Variants in CPAMD8 observed in about 807,000 individuals in gnomAD.
CPAMD8 encodes C3 and PZP-like alpha-2-macroglobulin domain-containing protein 8.
In CPAMD8, 146 loss-of-function variants were observed where a neutral mutation model predicts 224.7. The observed-to-expected ratio is 0.65, with a 90% CI of 0.57 to 0.75. The LOEUF (loss-of-function observed/expected upper bound fraction) is 0.75, where lower values mean the gene tolerates loss of function less well. Among genes scored for constraint, CPAMD8 ranks in the 30% least tolerant of loss-of-function variants. CPAMD8 has a pLI of 0.00. For missense variants in CPAMD8, 2,301 were observed against 2,537.5 expected, an observed-to-expected ratio of 0.91 and a Z score of 2.00; for synonymous variants, 966 against 1,044.6, an observed-to-expected ratio of 0.92 and a Z score of 1.45.
At chr19:16,996,032 C>A (rs574156526) in intron 11 of CPAMD8, among the ~76,000 whole-genome samples, 2 of 152,186 alleles carry the variant, frequency 1.3e-5, no homozygotes, top group South Asian at 4.2e-4. Context: ...TGCCTGTAAT[C>A]CCAGCTACTC....
chr19:16,978,788 T>C (rs1267087254), intron 14 of CPAMD8, among the ~76,000 whole-genome samples: 1 of 151,750 alleles, frequency 6.6e-6, no homozygotes, highest in African/African-American at 2.4e-5. Flanking sequence ...TATCTATCCA[T>C]CCATCCATCT....
At chr19:16,902,184 T>C (rs974906037) in intron 35 of CPAMD8, among the ~76,000 whole-genome samples, 2 of 151,476 alleles carry the variant, frequency 1.3e-5, no homozygotes, top group East Asian at 2.0e-4. Context: ...GCCCCGACCA[T>C]ACTGGAGTCT....
chr19:16,963,017 T>C (rs1166521800), intron 18 of CPAMD8, among the ~76,000 whole-genome samples: 5 of 152,204 alleles, frequency 3.3e-5, no homozygotes, highest in Non-Finnish European at 7.3e-5. Context: ...CCACCAGGCC[T>C]GCCTTTCAAG....
At chr19:16,982,373 C>T (rs1599842678) in intron 13 of CPAMD8, among the ~76,000 whole-genome samples, 1 of 151,930 alleles carries the variant, frequency 6.6e-6, no homozygotes, top group East Asian at 1.9e-4. Flanking sequence ...GCCTGGGCAA[C>T]AGAGTGAGAC....
At chr19:16,933,723 T>G (rs2053608810) in intron 23 of CPAMD8, among the ~76,000 whole-genome samples, 1 of 152,160 alleles carries the variant, frequency 6.6e-6, no homozygotes, top group Non-Finnish European at 1.5e-5. Flanking sequence ...AATGGAACTC[T>G]CACATACTGC....
chr19:16,929,248 G>T lies in CPAMD8; in HGVS notation c.2846-8C>A. On this transcript the variant is annotated splice_polypyrimidine_tract_variant and splice_region_variant and intron_variant, in intron 23 of 41. Transcript: ENST00000443236. ...TGGAGATGTGGACTCTCTCTGGATG[G>T]AGGAAAGGAGATGGGGAGTTGAGAG... 6.3e-7 allele frequency: 1 copy of T among 1,588,020 alleles called. No individual in the cohort carries two copies. The highest frequency in any genetic ancestry group is 1.3e-5 in the African/African-American group (1 of 74,694).
chr19:16,973,827 CTTTTT>C (rs559363114), intron 17 of CPAMD8, among the ~76,000 whole-genome samples: 7 of 118,306 alleles, frequency 5.9e-5, no homozygotes, highest in Non-Finnish European at 6.7e-5. Context: ...AGCATTAGCC[CTTTTT>C]TTTTTTTTTT....
At chr19:16,926,586 G>T (rs1157823286) in intron 25 of CPAMD8, among the ~76,000 whole-genome samples, 1 of 152,178 alleles carries the variant, frequency 6.6e-6, no homozygotes, top group Non-Finnish European at 1.5e-5. Context: ...AAAGTGCTGG[G>T]ATTACAGGCG....
intron 29 of CPAMD8, among the ~76,000 whole-genome samples, chr19:16,908,232 G>A (rs141056044): frequency 6.2e-4 from 94 of 152,092 alleles, no homozygotes; most frequent in East Asian, 6.0e-3. Context: ...GGTGGTGGGC[G>A]CCTATAATCC....
chr19:16,928,574 T>C (rs2053446659), intron 24 of CPAMD8, among the ~76,000 whole-genome samples: 1 of 152,164 alleles, frequency 6.6e-6, no homozygotes. Context: ...TTTGGTTATG[T>C]TCTTCCTCTA....
intron 23 of CPAMD8, among the ~76,000 whole-genome samples, chr19:16,935,620 A>G (rs1461590985): frequency 6.6e-6 from 1 of 152,202 alleles, no homozygotes; most frequent in African/African-American, 2.4e-5. Flanking sequence ...CAAGGCTTGA[A>G]TGCACAGTTT....
chr19:16,955,315 G>A (rs377302962), intron 19 of CPAMD8, among the ~76,000 whole-genome samples: 1 of 151,282 alleles, frequency 6.6e-6, no homozygotes, highest in East Asian at 1.9e-4. Flanking sequence ...AAAAAAGAGA[G>A]AAGGAAATTC....
Position 16,980,558 on chromosome 19 carries a change from T to G in CPAMD8, c.1524A>C (p.Arg508=), listed in dbSNP as rs8103646. ...GQQPAHTTQQ[R]SKRAAPALEK... The stretch of plus-strand genomic sequence containing the variant: ...CCAGGGCAGGGGCCGCCCGCTTGCT[T>G]CGCTGCTGGGTGGTGTGGGCAGGCT... The change falls in exon 14 of 42, where the codon CGA becomes CGC. Residue 508 remains arginine (R), a synonymous_variant. Coordinates refer to ENST00000443236, the MANE Select transcript of CPAMD8 (RefSeq NM_015692.5). The G allele has an allele frequency of 0.34, 544,599 of 1,613,230 alleles. 96,524 individuals carry two copies. Among genetic ancestry groups the G allele is most frequent in the African/African-American group, 0.59 (44,587 of 74,940 alleles).
At chr19:16,988,348 C>T (rs1409456406) in intron 13 of CPAMD8, among the ~76,000 whole-genome samples, 3 of 152,128 alleles carry the variant, frequency 2.0e-5, no homozygotes, top group Non-Finnish European at 4.4e-5. Context: ...TGGTGGCTCA[C>T]GCCTGTAATC....
At chr19:16,958,980 G>A (rs965293057) in intron 18 of CPAMD8, among the ~76,000 whole-genome samples, 1 of 151,428 alleles carries the variant, frequency 6.6e-6, no homozygotes, top group African/African-American at 2.4e-5. Flanking sequence ...TGTATTTTTA[G>A]TAGAGACGCA....
chr19:16,902,411 G>A (rs2052296549), intron 35 of CPAMD8, among the ~76,000 whole-genome samples: 1 of 152,114 alleles, frequency 6.6e-6, no homozygotes, highest in Non-Finnish European at 1.5e-5. Context: ...CAGCTACTCG[G>A]GAGGCTGAGA....
chr19:17,015,935 G>A (rs1283108562), intron 3 of CPAMD8, among the ~76,000 whole-genome samples: 2 of 152,264 alleles, frequency 1.3e-5, no homozygotes, highest in East Asian at 3.9e-4. Flanking sequence ...AAGGCAAGAA[G>A]GACCTCCAGC....
intron 12 of CPAMD8, among the ~76,000 whole-genome samples, chr19:16,991,361 A>ACCC (rs2122909592): frequency 6.6e-6 from 1 of 152,080 alleles, no homozygotes; most frequent in Non-Finnish European, 1.5e-5. Flanking sequence ...TGGCCCGGGG[A>ACCC]CCCCTGGACT....
At chr19:16,909,376 C>G (rs1463310460) in intron 29 of CPAMD8, among the ~76,000 whole-genome samples, 1 of 152,062 alleles carries the variant, frequency 6.6e-6, no homozygotes, top group African/African-American at 2.4e-5. Flanking sequence ...AACCCCATCT[C>G]TACTAAAAAT....
Sources: allele counts gnomAD v4.1 joint callset (sites outside exome capture counted in the v4.1 genomes callset), GRCh38; gene constraint gnomAD v4.1.1; transcripts MANE v1.5; gene names NCBI Gene and HGNC (gene_info 2026-07-23, HGNC 2026-07-21).